The following CACNA1G variants were observed in gnomAD, a reference collection of about 807,000 sequenced individuals.
CACNA1G encodes calcium voltage-gated channel subunit alpha1 G.
CACNA1G carries 67 observed loss-of-function variants against 219.4 expected under a neutral mutation model. That is an observed-to-expected ratio of 0.31 (90% CI 0.25 to 0.37). The LOEUF (loss-of-function observed/expected upper bound fraction) is 0.37. Ranked by LOEUF, CACNA1G falls within the 10% of genes least tolerant of loss-of-function variation. The pLI is 1.00. For missense variants in CACNA1G, 2,380 were observed against 3,231.4 expected (o/e 0.74, Z 6.39); for synonymous variants, 1,296 against 1,345.3 (o/e 0.96, Z 0.80).
chr17:50,597,934 T>C (rs934792612), intron 16 of CACNA1G, among the ~76,000 whole-genome samples: 3 of 152,282 alleles, frequency 2.0e-5, no homozygotes, highest in African/African-American at 7.2e-5. Flanking sequence ...TTTCACTTAG[T>C]ATAATATCCT....
Position 50,626,381 on chromosome 17 carries a change from A to G in CACNA1G, c.6764A>G (p.Gln2255Arg). 6.2e-7 allele frequency: 1 copy of G among 1,612,072 alleles called. No homozygotes were observed. The highest frequency in any genetic ancestry group is 8.5e-7 in the Non-Finnish European group (1 of 1,179,240). Residue 2255 changes from glutamine (Q) to arginine (R), a missense_variant, in exon 38 of 38, where the codon CAG (glutamine) becomes CGG (arginine). Gln to Arg is a conservative substitution (Grantham distance 43). Transcript: ENST00000359106. This position sits in a 1 kb window ranked among gnomAD's most constrained non-coding sequence, Gnocchi z 4.3. ...TACAGCGTGGAGGCCCAGAGCTGCC[A>G]GCGCCGGCCTACGTCCTGGCTGGAT... ...KCYSVEAQSC[Q>R]RRPTSWLDEQ...
rs1444525196 is a variant in CACNA1G, at chr17:50,561,416, G to A, written c.-44G>A. 6.5e-7 allele frequency: 1 copy of A among 1,532,906 alleles called. No homozygotes were observed. The highest frequency in any genetic ancestry group is 2.4e-5 in the East Asian group (1 of 40,828). The allele number at this position is 1,532,906 out of a possible 1,614,324, so 95.0% of individuals were successfully genotyped here. On this transcript the variant is annotated 5_prime_UTR_variant, in exon 1 of 38. Coordinates refer to ENST00000359106, the MANE Select transcript of CACNA1G (RefSeq NM_018896.5). ...GAGGACACCTCCTCTGAGGGGCGCC[G>A]CTTGCCCCTCTCCGGATCGCCCGGG...
intron 9 of CACNA1G, among the ~76,000 whole-genome samples, chr17:50,586,319 C>T (rs117551370): frequency 2.0e-5 from 3 of 152,176 alleles, no homozygotes; most frequent in Non-Finnish European, 4.4e-5. Context: ...CTGGCCCTGC[C>T]GACCTTGTAG....
chr17:50,581,806 A>G (rs2042020617), intron 9 of CACNA1G, among the ~76,000 whole-genome samples: 2 of 152,246 alleles, frequency 1.3e-5, no homozygotes, highest in African/African-American at 4.8e-5. Context: ...TGTGTGCCCC[A>G]TCCGCTCAGG....
Position 50,599,538 on chromosome 17 carries a change from C to T in CACNA1G, c.3369C>T (p.Ser1123=). ...LGRAPSLKRR[S]PSGERRSLLS... ...GTGCACCCAGCCTGAAGCGGAGAAG[C>T]CCAAGTGGAGAGCGGCGGTCCCTGT... The change falls in exon 17 of 38, where the codon AGC becomes AGT. Residue 1123 remains serine, a synonymous_variant. Transcript: ENST00000359106. 1 of 1,612,528 alleles carries T rather than the reference C, an allele frequency of 6.2e-7. No individual in the cohort carries two copies. The highest frequency in any genetic ancestry group is 8.5e-7 in the Non-Finnish European group (1 of 1,179,368).
At chr17:50,612,485 G>A (rs774161292) in intron 26 of CACNA1G, among the ~76,000 whole-genome samples, 14 of 152,246 alleles carry the variant, frequency 9.2e-5, no homozygotes, top group African/African-American at 2.4e-4. Flanking sequence ...CACCTGTGGC[G>A]TCGACCTTCA....
intron 26 of CACNA1G, among the ~76,000 whole-genome samples, chr17:50,614,191 G>T (rs1315086042): frequency 1.3e-5 from 2 of 152,192 alleles, no homozygotes; most frequent in Non-Finnish European, 2.9e-5. Context: ...TCTGTTCAAT[G>T]GTCCTGTGCA....
chr17:50,618,416 G>A lies in CACNA1G; in HGVS notation c.5427+73G>A. 1 of 1,577,138 alleles carries A rather than the reference G, an allele frequency of 6.3e-7. No homozygotes were observed. Among genetic ancestry groups the A allele is most frequent in the South Asian group, 1.1e-5 (1 of 88,762 alleles). Reference sequence around the variant, plus strand: ...CTGAGCTAGGATTCCTTGGGAAGATGAATTGGCCACAAATAAAAGCATGTG... The same window carrying A: ...CTGAGCTAGGATTCCTTGGGAAGATAAATTGGCCACAAATAAAAGCATGTG... On this transcript the variant is annotated intron_variant, in intron 32 of 37. Coordinates refer to ENST00000359106, the MANE Select transcript of CACNA1G (RefSeq NM_018896.5). This position sits in a 1 kb window ranked among gnomAD's most constrained non-coding sequence, Gnocchi z 5.3.
Position 50,569,858 on chromosome 17 carries a change from A to T in CACNA1G, c.586+55A>T. On this transcript the variant is annotated intron_variant, in intron 4 of 37. Transcript: ENST00000359106. ...AAGAGAGCCCCAGGAGGAAATGTGG[A>T]ACTCTCAGACCCCACCTCTACTACT... is the stretch of plus-strand genomic sequence containing the variant. The T allele has an allele frequency of 1.0e-5, 14 of 1,346,670 alleles. No individual in the cohort carries two copies. The South Asian group carries it at 1.7e-4, about 17-fold the overall frequency. 83.4% of individuals were successfully genotyped at this position (1,346,670 alleles called of 1,614,324 possible).
chr17:50,601,962 T>A (rs2046764527), intron 19 of CACNA1G, among the ~76,000 whole-genome samples: 1 of 151,982 alleles, frequency 6.6e-6, no homozygotes, highest in Admixed American at 6.6e-5. Flanking sequence ...AGGGTCGGGG[T>A]GGAGGGAGCC....
At position 50,626,809 on chromosome 17, in the gene CACNA1G, C is replaced by T. The variant is rs769400523; in HGVS notation, c.*58C>T. On this transcript the variant is annotated 3_prime_UTR_variant, in exon 38 of 38. Coordinates refer to ENST00000359106, the MANE Select transcript of CACNA1G (RefSeq NM_018896.5). The surrounding 1 kb of genome is among the most constrained non-coding windows in gnomAD (Gnocchi z 4.3). ...ACTGGGTGCCAAGTCCTAGCTCCTC[C>T]TCCTGGGCTATATTCCTGACAAAAG... is the stretch of plus-strand genomic sequence containing the variant. The T allele has an allele frequency of 1.2e-5, 20 of 1,608,708 alleles. No individual in the cohort carries two copies. The highest frequency in any genetic ancestry group is 1.5e-5 in the Non-Finnish European group (18 of 1,176,418).
rs2050771839 is a variant in CACNA1G, at chr17:50,617,163, T to A, written c.5022-275T>A. ...TATTTGTAAAGCTCTTAAAAGTGCCTGGTGCATAGTGAACACCATATAAGT... is the reference window on the plus strand; with the variant it reads ...TATTTGTAAAGCTCTTAAAAGTGCCAGGTGCATAGTGAACACCATATAAGT... On this transcript the variant is annotated intron_variant, in intron 28 of 37. Coordinates refer to ENST00000359106, the MANE Select transcript of CACNA1G (RefSeq NM_018896.5). This position sits in a 1 kb window ranked among gnomAD's most constrained non-coding sequence, Gnocchi z 5.8. Among the ~76,000 whole-genome samples the A allele has an allele frequency of 6.6e-6, 1 of 152,236 alleles. No homozygotes were observed. The highest frequency in any genetic ancestry group is 1.5e-5 in the Non-Finnish European group (1 of 68,038).
intron 16 of CACNA1G, among the ~76,000 whole-genome samples, chr17:50,598,735 C>T (rs1176886479): frequency 1.3e-5 from 2 of 152,078 alleles, no homozygotes; most frequent in African/African-American, 4.8e-5. Flanking sequence ...ACCTGTTGGC[C>T]ATCTGTGTCT....
intron 8 of CACNA1G, among the ~76,000 whole-genome samples, chr17:50,577,675 G>T (rs572530503): frequency 2.0e-5 from 3 of 151,976 alleles, no homozygotes; most frequent in African/African-American, 7.3e-5. Flanking sequence ...GTTGGTATGT[G>T]CATGTATGTG....
chr17:50,589,207 T>C (rs534981576), intron 9 of CACNA1G, among the ~76,000 whole-genome samples: 2 of 152,180 alleles, frequency 1.3e-5, no homozygotes, highest in African/African-American at 2.4e-5. Flanking sequence ...CCCTCCCTTC[T>C]TCAACCAGAA....
chr17:50,592,341 C>T (rs1356663541), intron 13 of CACNA1G, among the ~76,000 whole-genome samples: 1 of 152,158 alleles, frequency 6.6e-6, no homozygotes, highest in Admixed American at 6.5e-5. Flanking sequence ...AGTAGACATC[C>T]CCTTCAGAGT....
rs760060336 is a variant in CACNA1G at position 50,602,898 on chromosome 17, G to A, written c.3984+10G>A. 1 of 1,613,670 alleles carries A rather than the reference G, an allele frequency of 6.2e-7. No individual in the cohort carries two copies. The highest frequency in any genetic ancestry group is 8.5e-7 in the Non-Finnish European group (1 of 1,179,728). On this transcript the variant is annotated intron_variant, in intron 20 of 37. Coordinates refer to ENST00000359106, the MANE Select transcript of CACNA1G (RefSeq NM_018896.5). ...TGAAATGACAGTGAAGGTGATGGGG[G>A]CTGGTGTTGGCTTGGGACCTCTGGT...
At chr17:50,597,867 G>T (rs1364762584) in intron 16 of CACNA1G, among the ~76,000 whole-genome samples, 1 of 151,980 alleles carries the variant, frequency 6.6e-6, no homozygotes. Context: ...AATTTTTTTG[G>T]ATTTCACATA....
chr17:50,591,394 G>A (rs1363483308), intron 10 of CACNA1G, 41 bp from the exon 11 acceptor site: 4 of 1,484,644 alleles, frequency 2.7e-6, no homozygotes, highest in East Asian at 4.8e-5. Context: ...GGGGGAGAGG[G>A]TGAAGGTGCA....
Sources: allele counts gnomAD v4.1 joint callset (sites outside exome capture counted in the v4.1 genomes callset), GRCh38; gene constraint gnomAD v4.1.1; non-coding constraint Gnocchi (gnomAD v3.1); transcripts MANE v1.5; gene names NCBI Gene and HGNC (gene_info 2026-07-23, HGNC 2026-07-21).